Variants in TFEC observed in about 807,000 individuals in gnomAD.
The protein encoded by TFEC is class E basic helix-loop-helix protein 34.
In TFEC, 31 loss-of-function variants were observed where a neutral mutation model predicts 41.6. The observed-to-expected ratio is 0.74, with a 90% CI of 0.56 to 1.01. TFEC has a LOEUF of 1.01. TFEC is among the 50% of genes least tolerant of loss of function. TFEC has a pLI of 0.00. For synonymous variants in TFEC, 143 were observed against 140.6 expected (o/e 1.02, Z -0.12); for missense variants, 402 against 404.1 (o/e 0.99, Z 0.04).
At chr7:116,060,581 G>T (rs569937846) in intron 3 of TFEC, among the ~76,000 whole-genome samples, 3 of 152,122 alleles carry the variant, frequency 2.0e-5, no homozygotes, top group African/African-American at 4.8e-5. Flanking sequence ...TACAGCTGGG[G>T]GCTATTAGCC....
intron 3 of TFEC, among the ~76,000 whole-genome samples, chr7:116,066,585 G>T (rs900396525): frequency 6.6e-6 from 1 of 151,928 alleles, no homozygotes; most frequent in African/African-American, 2.4e-5. Context: ...CAGTTGTAAT[G>T]AGCCTAGGAA....
At chr7:115,941,598 G>A (rs1168739593) in intron 7 of TFEC, 1 of 358,382 alleles carries the variant, frequency 2.8e-6, no homozygotes, top group Non-Finnish European at 4.9e-6. Flanking sequence ...TTTGTAATTT[G>A]TTGTCATTAT....
intron 3 of TFEC, among the ~76,000 whole-genome samples, chr7:116,108,886 C>G (rs1486544126): frequency 6.6e-6 from 1 of 152,042 alleles, no homozygotes; most frequent in African/African-American, 2.4e-5. Context: ...TTATAAAGCC[C>G]ACTATCAGAG....
At chr7:115,944,431 C>T (rs1161318235) in intron 6 of TFEC, among the ~76,000 whole-genome samples, 1 of 151,432 alleles carries the variant, frequency 6.6e-6, no homozygotes, top group Non-Finnish European at 1.5e-5. Context: ...ATTGCCTGGT[C>T]ATGTTTTTTT....
At chr7:116,062,558 C>CATATA (rs1491311388) in intron 3 of TFEC, among the ~76,000 whole-genome samples, 2 of 61,680 alleles carry the variant, frequency 3.2e-5, no homozygotes, top group African/African-American at 6.2e-5. Context: ...CTGAGTAGTA[C>CATATA]TCATATATAT....
intron 3 of TFEC, among the ~76,000 whole-genome samples, chr7:116,101,920 A>G (rs565371517): frequency 1.3e-5 from 2 of 152,324 alleles, no homozygotes; most frequent in Admixed American, 1.3e-4. Flanking sequence ...TGATTCAAAG[A>G]TGACTCTTAC....
chr7:116,157,008 G>C (rs1481381043), intron 1 of TFEC, among the ~76,000 whole-genome samples: 1 of 152,082 alleles, frequency 6.6e-6, no homozygotes, highest in Admixed American at 6.6e-5. Context: ...AACTAAAATG[G>C]AGCACTTGGA....
At chr7:116,118,662 T>C (rs1185802019) in intron 1 of TFEC, among the ~76,000 whole-genome samples, 1 of 151,840 alleles carries the variant, frequency 6.6e-6, no homozygotes, top group African/African-American at 2.4e-5. Flanking sequence ...TGTCTAACAC[T>C]TTTCCTCTAA....
At chr7:116,142,599 T>G (rs1798563739) in intron 1 of TFEC, among the ~76,000 whole-genome samples, 1 of 152,140 alleles carries the variant, frequency 6.6e-6, no homozygotes, top group African/African-American at 2.4e-5. Flanking sequence ...TTGCCACAGG[T>G]TAACTTGTTG....
At chr7:116,154,246 G>A (rs1003553563) in intron 1 of TFEC, among the ~76,000 whole-genome samples, 1 of 152,134 alleles carries the variant, frequency 6.6e-6, no homozygotes, top group African/African-American at 2.4e-5. Flanking sequence ...GAACAGTCCA[G>A]GCTTAGAGAA....
intron 3 of TFEC, among the ~76,000 whole-genome samples, chr7:116,080,661 A>C (rs538206914): frequency 1.3e-5 from 2 of 152,280 alleles, no homozygotes; most frequent in Admixed American, 1.3e-4. Flanking sequence ...TACTCCTGCA[A>C]GAATGGCCAT....
rs57742551 is a variant in TFEC at position 116,062,560 on chromosome 7, CATATATATATATATATAT to C, written c.198+48130_198+48147del. Reference sequence around the variant, plus strand: ...TTCCTTTTTATAGCTGAGTAGTACTCATATATATATATATATATATATATATATATATATATATATCAC... The same window carrying C: ...TTCCTTTTTATAGCTGAGTAGTACTCATATATATATATATATATATATCAC... On this transcript the variant is annotated intron_variant, in intron 3 of 8. Coordinates refer to the TFEC transcript ENST00000484212. Among the ~76,000 whole-genome samples, 256 of 101,710 alleles carry C rather than the reference CATATATATATATATATAT, an allele frequency of 2.5e-3. 1 individual carries two copies. The highest frequency in any genetic ancestry group is 0.011 in the Middle Eastern group (2 of 176). 66.7% of individuals were successfully genotyped at this position (101,710 alleles called of 152,430 possible). A position where few individuals can be genotyped will look rare whatever the true frequency, so the allele number is the denominator to read the frequency against.
At chr7:116,109,013 T>C (rs1797785350) in intron 3 of TFEC, among the ~76,000 whole-genome samples, 1 of 152,048 alleles carries the variant, frequency 6.6e-6, no homozygotes, top group South Asian at 2.1e-4. Flanking sequence ...GAAAACTGGC[T>C]AGCCATATGG....
chr7:115,940,941 C>A lies in TFEC; in HGVS notation c.664-10G>T. 6.5e-7 allele frequency: 1 copy of A among 1,549,242 alleles called. No individual in the cohort carries two copies. The highest frequency in any genetic ancestry group is 2.0e-5 in the Admixed American group (1 of 50,460). On this transcript the variant is annotated splice_polypyrimidine_tract_variant and intron_variant, in intron 7 of 7. Coordinates refer to ENST00000265440, the MANE Select transcript of TFEC (RefSeq NM_012252.4). ...CCTGAATTTCTAGTTCCTGTAATTT[C>A]AAACGAAAATCATTAAATAATGTCT...
At chr7:116,032,383 G>A (rs984235840), upstream of TFEC, among the ~76,000 whole-genome samples, 3 of 152,016 alleles carry the variant, frequency 2.0e-5, no homozygotes, top group Non-Finnish European at 4.4e-5. Flanking sequence ...ACATGCACAC[G>A]TATGTTCACT....
At chr7:116,079,199 T>A (rs1260686462) in intron 3 of TFEC, among the ~76,000 whole-genome samples, 1 of 152,108 alleles carries the variant, frequency 6.6e-6, no homozygotes, top group Non-Finnish European at 1.5e-5. Flanking sequence ...AAAAGCCATC[T>A]ACTACAAACC....
chr7:116,079,979 A>C (rs1797050542), intron 3 of TFEC, among the ~76,000 whole-genome samples: 1 of 152,192 alleles, frequency 6.6e-6, no homozygotes, highest in Non-Finnish European at 1.5e-5. Context: ...GTTTAAAAAT[A>C]GGCACATAGA....
At chr7:116,006,337 C>T (rs559183546) in intron 1 of TFEC, among the ~76,000 whole-genome samples, 1 of 152,320 alleles carries the variant, frequency 6.6e-6, no homozygotes, top group South Asian at 2.1e-4. Context: ...TTCTGCAAAG[C>T]AACAGGGGTG....
intron 1 of TFEC, among the ~76,000 whole-genome samples, chr7:115,998,611 T>C (rs187063333): frequency 7.2e-4 from 108 of 150,776 alleles, no homozygotes; most frequent in African/African-American, 2.2e-3. Flanking sequence ...AAGATACACA[T>C]AGAATGAAAA....
Sources: allele counts gnomAD v4.1 joint callset (sites outside exome capture counted in the v4.1 genomes callset), GRCh38; gene constraint gnomAD v4.1.1; transcripts MANE v1.5; gene names NCBI Gene and HGNC (gene_info 2026-07-23, HGNC 2026-07-21).